Variants in DTNB observed in about 807,000 individuals in gnomAD.
The protein encoded by DTNB is DTN-B.
A neutral mutation model predicts 90.7 loss-of-function variants in DTNB; 63 were observed. That is an observed-to-expected ratio of 0.69 (90% CI 0.57 to 0.86). The LOEUF (loss-of-function observed/expected upper bound fraction) is 0.86. Ranked by LOEUF, DTNB falls within the 40% of genes least tolerant of loss-of-function variation. The probability of loss-of-function intolerance (pLI) is 0.00; values close to 1 mark genes in which losing one functional copy is unlikely to be tolerated. For missense variants in DTNB, 744 were observed against 807.1 expected (o/e 0.92, Z 0.95); for synonymous variants, 277 against 286.7 (o/e 0.97, Z 0.34).
intron 9 of DTNB, among the ~76,000 whole-genome samples, chr2:25,501,892 A>T (rs944893979): frequency 1.3e-5 from 2 of 152,080 alleles, no homozygotes; most frequent in African/African-American, 4.8e-5. Flanking sequence ...TTAAAGTATT[A>T]AAAAAAATCC....
intron 8 of DTNB, among the ~76,000 whole-genome samples, chr2:25,565,601 C>A (rs1339784650): frequency 3.7e-5 from 5 of 135,550 alleles, no homozygotes; most frequent in Non-Finnish European, 7.6e-5. Context: ...CTTCTATTCC[C>A]AGTTTATTGC....
intron 10 of DTNB, among the ~76,000 whole-genome samples, chr2:25,477,577 A>T (rs1352892905): frequency 6.6e-6 from 1 of 152,202 alleles, no homozygotes; most frequent in Non-Finnish European, 1.5e-5. Context: ...ATTATGTCCC[A>T]AGTCAATACA....
chr2:25,522,507 G>A (rs2076334242), intron 9 of DTNB, among the ~76,000 whole-genome samples: 1 of 152,108 alleles, frequency 6.6e-6, no homozygotes. Context: ...ATTCGGCGGA[G>A]AACAAGATAA....
At chr2:25,645,750 AG>A (rs1390394617) in intron 2 of DTNB, among the ~76,000 whole-genome samples, 13 of 152,170 alleles carry the variant, frequency 8.5e-5, no homozygotes, top group African/African-American at 2.9e-4. Context: ...CCTTAAAAAA[AG>A]ATAATACTAA....
intron 8 of DTNB, among the ~76,000 whole-genome samples, chr2:25,538,331 G>C (rs1188652454): frequency 6.6e-6 from 1 of 152,206 alleles, no homozygotes; most frequent in Non-Finnish European, 1.5e-5. Flanking sequence ...CTTGAGTCCA[G>C]GAGTTTGAGG....
Position 25,531,501 on chromosome 2 carries a change from C to T in DTNB, c.973G>A (p.Glu325Lys). Residue 325 changes from glutamate to lysine, a missense_variant, in exon 9 of 21, where the codon GAG becomes AAG. By Grantham distance (56) the Glu-to-Lys change is moderately conservative. Transcript: ENST00000406818. ...ATATGTGCAAGGTCAAGTGGTTTCT[C>T]TGGTTGCTCAGGAAAAACAGGATGC... ...PPHPVFPEQPEKPLDLAHIVP... is the reference protein window; with the variant it reads ...PPHPVFPEQPKKPLDLAHIVP... 1 of 1,613,954 alleles carries T rather than the reference C, an allele frequency of 6.2e-7. No individual in the cohort carries two copies. Among genetic ancestry groups the T allele is most frequent in the Non-Finnish European group, 8.5e-7 (1 of 1,179,876 alleles).
chr2:25,486,206 T>C (rs1005328772), intron 9 of DTNB, among the ~76,000 whole-genome samples: 1 of 152,126 alleles, frequency 6.6e-6, no homozygotes, highest in African/African-American at 2.4e-5. Flanking sequence ...CTCACGTCTA[T>C]AAAACTAGCA....
chr2:25,455,307 G>T, intron 11 of DTNB, 98 bp downstream of exon 11: 1 of 1,129,256 alleles, frequency 8.9e-7, no homozygotes, highest in Non-Finnish European at 1.2e-6. Flanking sequence ...AGAAAAACCT[G>T]ACATGCAGTT....
At chr2:25,525,569 GA>G in intron 9 of DTNB, among the ~76,000 whole-genome samples, 1 of 151,800 alleles carries the variant, frequency 6.6e-6, no homozygotes, top group South Asian at 2.1e-4. Context: ...CCAGGAGGTG[GA>G]AGTTGCAGTG....
intron 9 of DTNB, among the ~76,000 whole-genome samples, chr2:25,516,842 G>T (rs1191426214): frequency 1.3e-5 from 2 of 152,036 alleles, no homozygotes; most frequent in Non-Finnish European, 2.9e-5. Flanking sequence ...ATGAGCCAAA[G>T]ACCGTGCCAT....
At chr2:25,418,264 T>C (rs1243234087) in intron 16 of DTNB, among the ~76,000 whole-genome samples, 1 of 152,192 alleles carries the variant, frequency 6.6e-6, no homozygotes, top group Non-Finnish European at 1.5e-5. Flanking sequence ...CGTACCCTCT[T>C]CTCACCTCCT....
At chr2:25,650,187 C>T in intron 2 of DTNB, 1 of 985,418 alleles carries the variant, frequency 1.0e-6, no homozygotes, top group Non-Finnish European at 1.2e-6. Context: ...CTTAAGGCAC[C>T]CCAGCCTCTT....
chr2:25,611,777 C>T (rs1475776240), intron 4 of DTNB, among the ~76,000 whole-genome samples: 1 of 152,036 alleles, frequency 6.6e-6, no homozygotes, highest in Non-Finnish European at 1.5e-5. Flanking sequence ...GGTTTGGGAC[C>T]AGCCTGGGCA....
rs1016769953 is a variant in DTNB at position 25,652,670 on chromosome 2, A to G, written c.-1-9T>C. 6.2e-7 allele frequency: 1 copy of G among 1,610,444 alleles called. No individual in the cohort carries two copies. Among genetic ancestry groups the G allele is most frequent in the Non-Finnish European group, 8.5e-7 (1 of 1,179,020 alleles). ...CACTTTCCTCAATCATCCTAGAGAC[A>G]AAGAAAGATACAATAAACCACTGTA... On this transcript the variant is annotated splice_polypyrimidine_tract_variant and intron_variant, in intron 1 of 20. Transcript: ENST00000406818.
At position 25,402,969 on chromosome 2, in the gene DTNB, C is replaced by T. The variant is rs113551933; in HGVS notation, c.1576-14608G>A. 1.7e-3 allele frequency among the ~76,000 whole-genome samples: 256 copies of T among 152,260 alleles called. 1 individual carries two copies. Among genetic ancestry groups the T allele is most frequent in the African/African-American group, 5.8e-3 (239 of 41,546 alleles). On this transcript the variant is annotated intron_variant, in intron 16 of 20. Transcript: ENST00000406818. The stretch of plus-strand genomic sequence containing the variant: ...ATTAAATTTCTGGGACAAAGAACAA[C>T]CTATTAAAACTCAAGATAAATCTGT...
intron 13 of DTNB, 134 bp downstream of exon 13, chr2:25,433,776 G>C: frequency 1.1e-6 from 1 of 900,780 alleles, no homozygotes; most frequent in Non-Finnish European, 1.7e-6. Context: ...CCCTGGACTT[G>C]GGCTAGCCTA....
rs932287027 is a variant in DTNB at position 25,576,603 on chromosome 2, T to C, written c.876+235A>G. On this transcript the variant is annotated intron_variant, in intron 8 of 20. Transcript: ENST00000406818. ...CACTGCAACATTCCATTTTACTGAATAAAAGAGACCATTTCAAATGTACTA... is the reference window on the plus strand; with the variant it reads ...CACTGCAACATTCCATTTTACTGAACAAAAGAGACCATTTCAAATGTACTA... The C allele has an allele frequency of 2.4e-5, 11 of 452,776 alleles. No individual in the cohort carries two copies. In the Admixed American group the frequency reaches 2.8e-4, roughly 11 times the overall value. 28.0% of individuals were successfully genotyped at this position (452,776 alleles called of 1,614,324 possible).
At chr2:25,574,081 G>A (rs2060293490) in intron 8 of DTNB, among the ~76,000 whole-genome samples, 2 of 152,108 alleles carry the variant, frequency 1.3e-5, no homozygotes, top group South Asian at 4.1e-4. Flanking sequence ...GCATTCCACT[G>A]GCAAGAACTA....
intron 11 of DTNB, among the ~76,000 whole-genome samples, chr2:25,454,391 G>A (rs1473832106): frequency 6.6e-6 from 1 of 152,156 alleles, no homozygotes; most frequent in Non-Finnish European, 1.5e-5. Flanking sequence ...CATGCTATAA[G>A]CAAAACTAAG....
Sources: gnomAD v4.1 joint callset for allele counts (sites outside exome capture counted in the v4.1 genomes callset) on GRCh38, gnomAD v4.1.1 for gene constraint, MANE v1.5 for transcripts, NCBI Gene and HGNC (gene_info 2026-07-23, HGNC 2026-07-21) for gene names.